Variants in GRM5 observed in about 807,000 individuals in gnomAD.
The protein encoded by GRM5 is glutamate metabotropic receptor 5.
Under a neutral mutation model 83.1 loss-of-function variants are expected in GRM5, and 19 were observed. The ratio of observed to expected loss-of-function variants is 0.23; its 90% CI spans 0.16 to 0.34. The LOEUF is 0.34. GRM5 is among the 10% of genes least tolerant of loss of function. The pLI, the probability that GRM5 is intolerant of heterozygous loss-of-function variation, is 1.00. For missense variants in GRM5, 1,160 were observed against 1,588.3 expected, an observed-to-expected ratio of 0.73 and a Z score of 4.58; for synonymous variants, 675 against 633.6, an observed-to-expected ratio of 1.07 and a Z score of -0.98.
At chr11:88,922,367 G>A (rs1022544394) in intron 2 of GRM5, among the ~76,000 whole-genome samples, 5 of 152,020 alleles carry the variant, frequency 3.3e-5, no homozygotes, top group Non-Finnish European at 7.4e-5. Flanking sequence ...CATGGTGATG[G>A]CACAAAAACA....
intron 4 of GRM5, among the ~76,000 whole-genome samples, chr11:88,649,056 A>G (rs1235643170): frequency 6.9e-6 from 1 of 145,456 alleles, no homozygotes; most frequent in Non-Finnish European, 1.5e-5. Context: ...CATAATATAT[A>G]ATATATATAT....
At chr11:88,879,152 T>C (rs1278657522) in intron 2 of GRM5, among the ~76,000 whole-genome samples, 1 of 152,104 alleles carries the variant, frequency 6.6e-6, no homozygotes, top group Non-Finnish European at 1.5e-5. Context: ...AAATTTTGTA[T>C]AAATATTTAA....
At chr11:88,942,956 C>A (rs1938162530) in intron 2 of GRM5, among the ~76,000 whole-genome samples, 1 of 152,050 alleles carries the variant, frequency 6.6e-6, no homozygotes, top group African/African-American at 2.4e-5. Flanking sequence ...ATCAAGCAAG[C>A]AACTTCAATT....
intron 2 of GRM5, among the ~76,000 whole-genome samples, chr11:89,046,590 T>A (rs1941646559): frequency 2.0e-5 from 3 of 152,186 alleles, no homozygotes; most frequent in Non-Finnish European, 4.4e-5. Context: ...AAAGAAGCAA[T>A]AAATTTTAAA....
chr11:88,570,571 A>ATATATATATATATATATATATTTTTT (rs1405339448), intron 7 of GRM5, among the ~76,000 whole-genome samples: 2 of 46,378 alleles, frequency 4.3e-5, no homozygotes, highest in African/African-American at 2.7e-4. Flanking sequence ...ATATATATAT[A>ATATATATATATATATATATATTTTTT]TTTTTTTTTT....
chr11:88,519,883 A>G (rs1941631578), intron 9 of GRM5, among the ~76,000 whole-genome samples: 1 of 152,138 alleles, frequency 6.6e-6, no homozygotes, highest in African/African-American at 2.4e-5. Context: ...TACTTATATA[A>G]TTCCATTTAT....
intron 8 of GRM5, among the ~76,000 whole-genome samples, chr11:88,536,316 G>T (rs1485556730): frequency 2.6e-5 from 4 of 151,958 alleles, no homozygotes; most frequent in African/African-American, 9.7e-5. Context: ...GGGCTTATGT[G>T]CTTATTCCTT....
intron 2 of GRM5, among the ~76,000 whole-genome samples, chr11:88,989,431 T>A (rs1174269621): frequency 1.7e-5 from 2 of 117,352 alleles, no homozygotes; most frequent in African/African-American, 5.8e-5. Flanking sequence ...AACACCCCAC[T>A]GTCAACATTA....
intron 4 of GRM5, among the ~76,000 whole-genome samples, chr11:88,623,431 G>C (rs913006942): frequency 3.9e-5 from 6 of 151,944 alleles, no homozygotes; most frequent in Non-Finnish European, 8.8e-5. Context: ...TGCCCGGCCA[G>C]AGACCACTTA....
intron 2 of GRM5, among the ~76,000 whole-genome samples, chr11:88,921,985 A>C (rs1216940175): frequency 2.0e-5 from 3 of 152,068 alleles, no homozygotes; most frequent in Admixed American, 2.0e-4. Flanking sequence ...AAGTAATCCC[A>C]TTTACATTAG....
intron 1 of GRM5, chr11:89,063,453 T>C (rs1417675627): frequency 1.3e-5 from 2 of 152,242 alleles, no homozygotes; most frequent in African/African-American, 4.8e-5. Context: ...AGGGGACACT[T>C]GGGCACACAG....
rs140474261 is a variant in GRM5, at chr11:88,704,148, T to A, written c.912-50745A>T. Among the ~76,000 whole-genome samples the A allele has an allele frequency of 8.6e-4, 131 of 152,180 alleles. No individual in the cohort carries two copies. The Middle Eastern group carries it at 0.014, about 16-fold the overall frequency. Reference sequence around the variant, plus strand: ...TTCTATAAGGGCATTAATCTCATTATAAGGTCCCACTTTCACTACATAATC... The same window carrying A: ...TTCTATAAGGGCATTAATCTCATTAAAAGGTCCCACTTTCACTACATAATC... On this transcript the variant is annotated intron_variant, in intron 3 of 9. Coordinates refer to ENST00000305447, the MANE Select transcript of GRM5 (RefSeq NM_001143831.3).
intron 3 of GRM5, among the ~76,000 whole-genome samples, chr11:88,753,739 C>T (rs1020400712): frequency 7.9e-5 from 12 of 151,972 alleles, no homozygotes; most frequent in Admixed American, 2.6e-4. Flanking sequence ...AGTCCATTTT[C>T]ACACTGATGA....
intron 8 of GRM5, among the ~76,000 whole-genome samples, chr11:88,566,600 TA>T (rs1464314706): frequency 6.6e-6 from 1 of 152,194 alleles, no homozygotes; most frequent in African/African-American, 2.4e-5. Flanking sequence ...CTGGCTTGAA[TA>T]AGGTTTAGGC....
Position 88,564,173 on chromosome 11 carries a change from A to C in GRM5, c.2630+2880T>G, listed in dbSNP as rs58736289. On this transcript the variant is annotated intron_variant, in intron 8 of 9. Coordinates refer to ENST00000305447, the MANE Select transcript of GRM5 (RefSeq NM_001143831.3). The stretch of plus-strand genomic sequence containing the variant: ...ACTGTGGCCTGTGTCAGCTATAATC[A>C]CATAGACAGATCAAGATTTGCCAAG... 6.5e-3 allele frequency among the ~76,000 whole-genome samples: 991 copies of C among 152,354 alleles called. 12 individuals are homozygous for C. The highest frequency in any genetic ancestry group is 0.022 in the African/African-American group (929 of 41,588).
intron 3 of GRM5, among the ~76,000 whole-genome samples, chr11:88,659,663 T>C (rs1296774904): frequency 6.6e-6 from 1 of 152,210 alleles, no homozygotes; most frequent in Non-Finnish European, 1.5e-5. Flanking sequence ...AAAATAATTA[T>C]GATAGGACTT....
chr11:88,937,920 A>C (rs914688609), intron 2 of GRM5, among the ~76,000 whole-genome samples: 6 of 151,750 alleles, frequency 4.0e-5, no homozygotes, highest in Admixed American at 1.3e-4. Flanking sequence ...GTAATGATTC[A>C]ATAACTTTAG....
chr11:88,863,812 A>G (rs1944611797), intron 2 of GRM5, among the ~76,000 whole-genome samples: 1 of 151,916 alleles, frequency 6.6e-6, no homozygotes, highest in Admixed American at 6.6e-5. Flanking sequence ...TTTCTCTTAC[A>G]ATTGCCTAGA....
chr11:88,874,774 A>C (rs1944823030), intron 2 of GRM5, among the ~76,000 whole-genome samples: 1 of 151,978 alleles, frequency 6.6e-6, no homozygotes, highest in South Asian at 2.1e-4. Flanking sequence ...CAATAAAGCA[A>C]ATATCACAGT....
Sources: gnomAD v4.1 joint callset for allele counts (sites outside exome capture counted in the v4.1 genomes callset) on GRCh38, gnomAD v4.1.1 for gene constraint, MANE v1.5 for transcripts, NCBI Gene and HGNC (gene_info 2026-07-23, HGNC 2026-07-21) for gene names.